The following RYR3 variants were observed in gnomAD, a reference collection of about 807,000 sequenced individuals.
RYR3 encodes the protein brain ryanodine receptor-calcium release channel.
In RYR3, 207 loss-of-function variants were observed where a neutral mutation model predicts 584.3. The ratio of observed to expected loss-of-function variants is 0.35; its 90% CI spans 0.32 to 0.40. The LOEUF is 0.40. Ranked by LOEUF, RYR3 falls within the 10% of genes least tolerant of loss-of-function variation. The pLI is 1.00. For missense variants in RYR3, 5,616 were observed against 6,089.2 expected, an observed-to-expected ratio of 0.92 and a Z score of 2.59; for synonymous variants, 2,416 against 2,248.5, an observed-to-expected ratio of 1.07 and a Z score of -2.11.
At position 33,534,196 on chromosome 15, in the gene RYR3, T is replaced by C. The variant is rs554103942; in HGVS notation, c.433+807T>C. 6.6e-5 allele frequency among the ~76,000 whole-genome samples: 10 copies of C among 151,842 alleles called. No individual in the cohort carries two copies. The East Asian group carries it at 1.9e-3, about 29-fold the overall frequency. On this transcript the variant is annotated intron_variant, in intron 5 of 103. Coordinates refer to ENST00000634891, the MANE Select transcript of RYR3 (RefSeq NM_001036.6). ...CTGGCGGATGACCTGATGTAAGGAG[T>C]TTGAGACTAGCTTGGCCGACATGGT...
At chr15:33,814,811 G>A (rs2076722275) in intron 74 of RYR3, among the ~76,000 whole-genome samples, 1 of 148,990 alleles carries the variant, frequency 6.7e-6, no homozygotes, top group Non-Finnish European at 1.5e-5. Flanking sequence ...TGAGGCAGGA[G>A]AATTGCTTGA....
chr15:33,738,580 T>C lies in RYR3; in HGVS notation c.7646T>C (p.Leu2549Pro), dbSNP rs1341613384. 3 of 1,613,730 alleles carry C rather than the reference T, an allele frequency of 1.9e-6. No homozygotes were observed. In the South Asian group the frequency reaches 3.3e-5, roughly 18 times the overall value. ...CTTTTCTGGGGGATTTTTGACTCGC[T>C]CTCCCATAAGGTAATGACAGTACTT... The part of the protein sequence containing the change: ...EKLFWGIFDS[L>P]SHKKYDPDLF... Residue 2549 changes from leucine (L) to proline (P), a missense_variant, in exon 50 of 104, where the codon CTC becomes CCC. Coordinates refer to ENST00000634891, the MANE Select transcript of RYR3 (RefSeq NM_001036.6).
intron 1 of RYR3, among the ~76,000 whole-genome samples, chr15:33,470,805 A>C (rs538114686): frequency 4.5e-4 from 68 of 152,314 alleles, no homozygotes; most frequent in Non-Finnish European, 9.1e-4. Flanking sequence ...GGAAAAGGAG[A>C]TACAAAATGT....
chr15:33,547,664 G>T (rs1484807902), intron 8 of RYR3, among the ~76,000 whole-genome samples: 1 of 152,166 alleles, frequency 6.6e-6, no homozygotes, highest in African/African-American at 2.4e-5. Context: ...ATAAAGCTTT[G>T]TTCCAACTGC....
At chr15:33,653,400 A>G (rs1214202092) in intron 32 of RYR3, among the ~76,000 whole-genome samples, 4 of 152,296 alleles carry the variant, frequency 2.6e-5, no homozygotes, top group Admixed American at 2.0e-4. Flanking sequence ...GGCCAGGCGC[A>G]GTGGCTCATG....
chr15:33,403,784 A>C (rs912924262), intron 1 of RYR3, among the ~76,000 whole-genome samples: 3 of 152,264 alleles, frequency 2.0e-5, no homozygotes, highest in African/African-American at 7.2e-5. Flanking sequence ...TAATAAGTAG[A>C]CTCTGTGCAT....
At chr15:33,849,481 G>A (rs1055498417) in intron 94 of RYR3, 20 of 152,152 alleles carry the variant, frequency 1.3e-4, no homozygotes, top group African/African-American at 4.6e-4. Flanking sequence ...GCAAATGCCT[G>A]GCACGTGGTA....
chr15:33,354,805 C>T (rs1342549378), intron 1 of RYR3, among the ~76,000 whole-genome samples: 1 of 152,164 alleles, frequency 6.6e-6, no homozygotes, highest in Non-Finnish European at 1.5e-5. Flanking sequence ...AGTAGTTGGA[C>T]TTTATTGGCC....
At position 33,492,713 on chromosome 15, in the gene RYR3, A is replaced by T. The variant is rs561248680; in HGVS notation, c.172-10918A>T. Among the ~76,000 whole-genome samples the T allele has an allele frequency of 3.3e-5, 5 of 152,312 alleles. No homozygotes were observed. In the East Asian group the frequency reaches 9.6e-4, roughly 29 times the overall value. On this transcript the variant is annotated intron_variant, in intron 2 of 103. Transcript: ENST00000634891. ...GTACGCTAGAGGTGCTCCCAAAGTG[A>T]TAAATGATGCTGATGCCGATTGCAC...
rs376016972 is a variant in RYR3 at position 33,613,284 on chromosome 15, C to T, written c.2266C>T (p.Arg756Cys). The change falls in exon 19 of 104, where the codon CGC (arginine) becomes TGC (cysteine). Residue 756 changes from arginine (R) to cysteine (C), a missense_variant. Physicochemically the swap from Arg to Cys is radical, Grantham distance 180 (BLOSUM62 -3). Coordinates refer to ENST00000634891, the MANE Select transcript of RYR3 (RefSeq NM_001036.6). ...CCTCGGGGTGCCCAGCATCTCATTC[C>T]GCATCAATGGGCAGCCCGTGCAGGG... ...LDLGVPSISF[R>C]INGQPVQGMF... The T allele has an allele frequency of 8.1e-6, 13 of 1,613,824 alleles. No individual in the cohort carries two copies. The highest frequency in any genetic ancestry group is 1.3e-5 in the African/African-American group (1 of 74,916).
rs749536373 is a variant in RYR3, at chr15:33,750,247, T to C, written c.8360T>C (p.Leu2787Pro). ...KFKDREKAQD[L>P]FKFLQVNGII... ...AAGGACCGGGAGAAGGCACAGGACC[T>C]GTTTAAGTTCCTCCAAGTGAATGGC... The change falls in exon 57 of 104, where the codon CTG (leucine) becomes CCG (proline). Residue 2787 changes from leucine (L) to proline (P), a missense_variant. By Grantham distance (98) the Leu-to-Pro change is moderately conservative. Transcript: ENST00000634891. 6.2e-7 allele frequency: 1 copy of C among 1,610,540 alleles called. No homozygotes were observed. Among genetic ancestry groups the C allele is most frequent in the Non-Finnish European group, 8.5e-7 (1 of 1,178,432 alleles).
chr15:33,838,684 T>G lies in RYR3; in HGVS notation c.12704T>G (p.Met4235Arg). ...AGAGTGACCAAGATCCTGGGTGACATGCCTGACCCAACCCAATTTGGTATC... is the reference window on the plus strand; with the variant it reads ...AGAGTGACCAAGATCCTGGGTGACAGGCCTGACCCAACCCAATTTGGTATC... ...NIRVTKILGD[M>R]PDPTQFGIHD... Residue 4235 changes from methionine (M) to arginine (R), a missense_variant, in exon 89 of 104, where the codon ATG (methionine) becomes AGG (arginine). By Grantham distance (91) the Met-to-Arg change is moderately conservative (BLOSUM62 -1). Transcript: ENST00000634891. 1 of 1,613,916 alleles carries G rather than the reference T, an allele frequency of 6.2e-7. No individual in the cohort carries two copies. Among genetic ancestry groups the G allele is most frequent in the Non-Finnish European group, 8.5e-7 (1 of 1,179,872 alleles).
At chr15:33,517,909 CTTTA>C (rs555437236) in intron 3 of RYR3, among the ~76,000 whole-genome samples, 83 of 152,238 alleles carry the variant, frequency 5.5e-4, no homozygotes, top group African/African-American at 1.9e-3. Flanking sequence ...TAGAATGAGA[CTTTA>C]TTATTTTTAT....
intron 5 of RYR3, among the ~76,000 whole-genome samples, chr15:33,535,693 T>C (rs1175571335): frequency 6.6e-6 from 1 of 152,218 alleles, no homozygotes; most frequent in South Asian, 2.1e-4. Context: ...CACCGCTTTT[T>C]AGTCAAGTGT....
At chr15:33,576,973 G>A (rs1474473742) in intron 12 of RYR3, among the ~76,000 whole-genome samples, 1 of 151,980 alleles carries the variant, frequency 6.6e-6, no homozygotes, top group Non-Finnish European at 1.5e-5. Flanking sequence ...AACACCAACA[G>A]CGAACAAGTG....
At chr15:33,837,531 A>T in intron 88 of RYR3, 100 bp from the exon 89 acceptor site, 1 of 1,308,618 alleles carries the variant, frequency 7.6e-7, no homozygotes, top group African/African-American at 1.5e-5. Context: ...AGAGCTGACT[A>T]ATTTGGCACA....
At position 33,725,192 on chromosome 15, in the gene RYR3, CACACACACACAT is replaced by C. The variant is rs769823683; in HGVS notation, c.6912+1018_6912+1029del. 5.4e-3 allele frequency among the ~76,000 whole-genome samples: 788 copies of C among 145,614 alleles called. 4 individuals are homozygous for C. Among genetic ancestry groups the C allele is most frequent in the Middle Eastern group, 0.022 (6 of 270 alleles). ...ACACACACACACACACACACACACACACACACACACATATATACATCCCTTCTTAGGACCCCT... is the reference window on the plus strand; with the variant it reads ...ACACACACACACACACACACACACACATATACATCCCTTCTTAGGACCCCT... On this transcript the variant is annotated intron_variant, in intron 45 of 103. Transcript: ENST00000634891.
intron 38 of RYR3, among the ~76,000 whole-genome samples, chr15:33,692,154 A>C (rs562575744): frequency 6.6e-6 from 1 of 152,340 alleles, no homozygotes; most frequent in Admixed American, 6.5e-5. Context: ...AGAGCCTAAC[A>C]CAATCTAGAA....
chr15:33,566,591 G>A, intron 11 of RYR3, 87 bp from the exon 12 acceptor site: 1 of 1,395,942 alleles, frequency 7.2e-7, no homozygotes, highest in Non-Finnish European at 1.0e-6. Context: ...GGAATAAGAG[G>A]GATGAGGGCA....
Sources: gnomAD v4.1 joint callset for allele counts (sites outside exome capture counted in the v4.1 genomes callset) on GRCh38, gnomAD v4.1.1 for gene constraint, MANE v1.5 for transcripts, NCBI Gene and HGNC (gene_info 2026-07-23, HGNC 2026-07-21) for gene names.